The following PRMT8 variants were observed in gnomAD, a reference collection of about 807,000 sequenced individuals.
PRMT8 encodes the protein protein arginine methyltransferase 8, also known as protein arginine N-methyltransferase 8.
A neutral mutation model predicts 47.1 loss-of-function variants in PRMT8; 7 were observed. That is an observed-to-expected ratio of 0.15 (90% CI 0.08 to 0.28). PRMT8 has a LOEUF of 0.28. Ranked by LOEUF, PRMT8 falls within the 10% of genes least tolerant of loss-of-function variation. The pLI, the probability that PRMT8 is intolerant of heterozygous loss-of-function variation, is 1.00. For missense variants in PRMT8, 237 were observed against 505.4 expected, an observed-to-expected ratio of 0.47 and a Z score of 5.09; for synonymous variants, 188 against 186.5, an observed-to-expected ratio of 1.01 and a Z score of -0.07.
At chr12:3,477,645 C>A (rs1301237088) in intron 1 of PRMT8, among the ~76,000 whole-genome samples, 1 of 152,216 alleles carries the variant, frequency 6.6e-6, no homozygotes, top group Non-Finnish European at 1.5e-5. Context: ...GTGCGCCAAA[C>A]TCGCCCTTCC....
At chr12:3,479,572 GA>G (rs551064867) in intron 1 of PRMT8, among the ~76,000 whole-genome samples, 2 of 150,910 alleles carry the variant, frequency 1.3e-5, no homozygotes, top group East Asian at 1.9e-4. Flanking sequence ...AATTTTTTAA[GA>G]AAAAAAAATA....
intron 1 of PRMT8, among the ~76,000 whole-genome samples, chr12:3,532,238 G>T (rs994429594): frequency 1.3e-5 from 2 of 149,270 alleles, no homozygotes; most frequent in African/African-American, 4.9e-5. Flanking sequence ...ATTCCTCTTA[G>T]AAATTTATAT....
chr12:3,509,542 G>T (rs2137127806), intron 1 of PRMT8, among the ~76,000 whole-genome samples: 1 of 152,256 alleles, frequency 6.6e-6, no homozygotes, highest in Middle Eastern at 3.4e-3. Flanking sequence ...CTGAACCCCA[G>T]CATCTACCAC....
intron 1 of PRMT8, among the ~76,000 whole-genome samples, chr12:3,480,567 C>T (rs907509710): frequency 6.6e-6 from 1 of 152,146 alleles, no homozygotes; most frequent in Non-Finnish European, 1.5e-5. Context: ...TTTTTCTTGA[C>T]ACCCACCTTC....
chr12:3,496,530 G>A (rs1052893289), intron 1 of PRMT8, among the ~76,000 whole-genome samples: 9 of 151,960 alleles, frequency 5.9e-5, no homozygotes, highest in Non-Finnish European at 7.4e-5. Flanking sequence ...TCTGCAGAGT[G>A]TGTACACTAA....
intron 1 of PRMT8, among the ~76,000 whole-genome samples, chr12:3,400,733 G>C (rs187449774): frequency 5.6e-4 from 85 of 152,294 alleles, no homozygotes; most frequent in African/African-American, 1.9e-3. Context: ...CAATATCCTT[G>C]ATGAACATCA....
intron 1 of PRMT8, among the ~76,000 whole-genome samples, chr12:3,412,660 A>T (rs1238302382): frequency 6.6e-6 from 1 of 152,136 alleles, no homozygotes; most frequent in Non-Finnish European, 1.5e-5. Flanking sequence ...AAAAACTAAG[A>T]AGCTGATATG....
chr12:3,581,978 C>T (rs542529984), intron 7 of PRMT8, among the ~76,000 whole-genome samples: 70 of 152,366 alleles, frequency 4.6e-4, no homozygotes, highest in African/African-American at 1.7e-3. Context: ...TGGTCCCTCT[C>T]TCCTAATTCC....
chr12:3,420,144 A>G (rs1170387727), intron 1 of PRMT8, among the ~76,000 whole-genome samples: 2 of 151,994 alleles, frequency 1.3e-5, no homozygotes, highest in East Asian at 3.9e-4. Flanking sequence ...ACTCAAGAGC[A>G]TTGGCACGAG....
chr12:3,549,870 T>G (rs1381787459), intron 2 of PRMT8, 66 bp from the exon 3 acceptor site: 2 of 1,577,600 alleles, frequency 1.3e-6, no homozygotes, highest in Non-Finnish European at 1.7e-6. Context: ...CAGGGGCTCA[T>G]AGCCATGGTG....
chr12:3,528,721 C>T (rs1358115145), intron 1 of PRMT8, among the ~76,000 whole-genome samples: 1 of 151,828 alleles, frequency 6.6e-6, no homozygotes, highest in Non-Finnish European at 1.5e-5. Context: ...TGACTAGATG[C>T]CAGACATTGT....
chr12:3,469,806 A>C (rs868060336), intron 1 of PRMT8, among the ~76,000 whole-genome samples: 1 of 152,216 alleles, frequency 6.6e-6, no homozygotes, highest in Non-Finnish European at 1.5e-5. Flanking sequence ...TCTGGAAGAC[A>C]CTAAGGAATG....
chr12:3,390,243 T>G (rs1164883987), intron 1 of PRMT8, among the ~76,000 whole-genome samples: 1 of 152,268 alleles, frequency 6.6e-6, no homozygotes. Flanking sequence ...AATCTTATTC[T>G]GCACAAGGGA....
chr12:3,507,740 A>G (rs1313885279), intron 1 of PRMT8, among the ~76,000 whole-genome samples: 9 of 151,122 alleles, frequency 6.0e-5, no homozygotes, highest in Admixed American at 5.9e-4. Flanking sequence ...TTTTGTTAGA[A>G]TTCTTTTTCT....
intron 1 of PRMT8, among the ~76,000 whole-genome samples, chr12:3,418,477 G>A (rs1453367951): frequency 6.6e-6 from 1 of 152,204 alleles, no homozygotes; most frequent in Non-Finnish European, 1.5e-5. Flanking sequence ...AGGATGGGCT[G>A]GTCCTATCCT....
chr12:3,385,422 G>A (rs1337518429), intron 1 of PRMT8, among the ~76,000 whole-genome samples: 1 of 152,180 alleles, frequency 6.6e-6, no homozygotes, highest in Non-Finnish European at 1.5e-5. Context: ...CTCCCAGACT[G>A]TACCCACAAT....
chr12:3,435,967 A>T (rs1864737325), intron 1 of PRMT8, among the ~76,000 whole-genome samples: 2 of 152,186 alleles, frequency 1.3e-5, no homozygotes, highest in Admixed American at 1.3e-4. Context: ...GTCCGCAAGG[A>T]AACTGAGGCT....
chr12:3,530,631 G>A (rs375585830), intron 1 of PRMT8, among the ~76,000 whole-genome samples: 21 of 152,160 alleles, frequency 1.4e-4, no homozygotes, highest in Admixed American at 3.3e-4. Context: ...CTCAGAGGAC[G>A]AAGGGCAGAA....
At chr12:3,592,498 A>C in intron 9 of PRMT8, 146 bp downstream of exon 9, 1 of 861,004 alleles carries the variant, frequency 1.2e-6, no homozygotes, top group Non-Finnish European at 1.7e-6. Flanking sequence ...TGTGGACATG[A>C]CTAGGCCTAA....
Sources: gnomAD v4.1 joint callset for allele counts (sites outside exome capture counted in the v4.1 genomes callset) on GRCh38, gnomAD v4.1.1 for gene constraint, MANE v1.5 for transcripts, NCBI Gene and HGNC (gene_info 2026-07-23, HGNC 2026-07-21) for gene names.